Variants in NHSL1 observed in about 807,000 individuals in gnomAD.
The protein encoded by NHSL1 is NHS like 1, also known as NHS-like protein 1.
Under a neutral mutation model 95.0 loss-of-function variants are expected in NHSL1, and 48 were observed. That is an observed-to-expected ratio of 0.51 (90% confidence interval 0.40 to 0.64). The LOEUF is 0.64. Among genes scored for constraint, NHSL1 ranks in the 30% least tolerant of loss-of-function variants. The pLI, the probability that NHSL1 is intolerant of heterozygous loss-of-function variation, is 0.00. For missense variants in NHSL1, 1,971 were observed against 2,077.7 expected, an observed-to-expected ratio of 0.95 and a Z score of 1.00; for synonymous variants, 783 against 833.9, an observed-to-expected ratio of 0.94 and a Z score of 1.05.
chr6:138,526,109 G>C (rs201764582), intron 1 of NHSL1, among the ~76,000 whole-genome samples: 5 of 135,934 alleles, frequency 3.7e-5, no homozygotes, highest in Non-Finnish European at 6.4e-5. Context: ...AAAAAAAAAA[G>C]AAAATATTTG....
chr6:138,497,597 GCA>G (rs1759895702), intron 1 of NHSL1, among the ~76,000 whole-genome samples: 1 of 152,114 alleles, frequency 6.6e-6, no homozygotes, highest in African/African-American at 2.4e-5. Flanking sequence ...ATACTCTATA[GCA>G]CAGTTATTAG....
At chr6:138,429,658 G>A (rs769494527) in intron 7 of NHSL1, 53 bp downstream of exon 7, 190 of 1,448,432 alleles carry the variant, frequency 1.3e-4, no homozygotes, top group Non-Finnish European at 1.6e-4. Flanking sequence ...GGTGCTGCTT[G>A]GAAAGAAGGA....
chr6:138,561,617 A>AG (rs1783413578), intron 1 of NHSL1, among the ~76,000 whole-genome samples: 1 of 152,196 alleles, frequency 6.6e-6, no homozygotes, highest in Non-Finnish European at 1.5e-5. Flanking sequence ...GTTACTCAGA[A>AG]GGTTGCTTTA....
chr6:138,454,072 C>T (rs1003872867), intron 3 of NHSL1, among the ~76,000 whole-genome samples: 1 of 152,050 alleles, frequency 6.6e-6, no homozygotes, highest in Non-Finnish European at 1.5e-5. Context: ...CAACCCATGA[C>T]CTAAAATATT....
At chr6:138,518,230 G>A (rs1327702889) in intron 1 of NHSL1, among the ~76,000 whole-genome samples, 2 of 152,152 alleles carry the variant, frequency 1.3e-5, no homozygotes, top group Non-Finnish European at 2.9e-5. Flanking sequence ...AGAAACTGAA[G>A]AGTGTCAGAG....
At chr6:138,536,610 T>C (rs1018832486) in intron 1 of NHSL1, among the ~76,000 whole-genome samples, 3 of 41,818 alleles carry the variant, frequency 7.2e-5, no homozygotes, top group Admixed American at 2.7e-4. Flanking sequence ...ATCTTTTTTT[T>C]TTTTTTTTTT....
At chr6:138,686,670 C>T (rs889539775) in intron 1 of NHSL1, among the ~76,000 whole-genome samples, 2 of 152,062 alleles carry the variant, frequency 1.3e-5, no homozygotes, top group Non-Finnish European at 2.9e-5. Flanking sequence ...AAAACTAAGG[C>T]CTTGAGGTGT....
chr6:138,529,119 C>G (rs1409232780), intron 1 of NHSL1, among the ~76,000 whole-genome samples: 1 of 152,176 alleles, frequency 6.6e-6, no homozygotes, highest in Non-Finnish European at 1.5e-5. Flanking sequence ...TGATTGATGT[C>G]TCCGCTGGGG....
At chr6:138,601,180 C>T (rs188991364) in intron 1 of NHSL1, among the ~76,000 whole-genome samples, 1 of 152,184 alleles carries the variant, frequency 6.6e-6, no homozygotes, top group African/African-American at 2.4e-5. Context: ...GTAAAACTCA[C>T]CAGGATTGTT....
chr6:138,453,516 G>A (rs531050783), intron 3 of NHSL1, among the ~76,000 whole-genome samples: 51 of 151,754 alleles, frequency 3.4e-4, no homozygotes, highest in African/African-American at 1.2e-3. Flanking sequence ...CAGCGTCCCT[G>A]GCTAATTTAT....
At chr6:138,652,366 G>T (rs937557127) in intron 1 of NHSL1, among the ~76,000 whole-genome samples, 1 of 151,428 alleles carries the variant, frequency 6.6e-6, no homozygotes, top group Non-Finnish European at 1.5e-5. Context: ...ACTTGAACCC[G>T]GAGGCAGAGG....
intron 1 of NHSL1, among the ~76,000 whole-genome samples, chr6:138,683,125 A>G (rs73568800): frequency 1.5e-3 from 232 of 152,214 alleles, no homozygotes; most frequent in African/African-American, 5.3e-3. Context: ...CATGTCCATA[A>G]AAAGGCCCCG....
intron 1 of NHSL1, among the ~76,000 whole-genome samples, chr6:138,565,599 G>A (rs1342218306): frequency 3.3e-5 from 5 of 151,982 alleles, no homozygotes; most frequent in African/African-American, 1.2e-4. Context: ...AGATTAAACT[G>A]AAGTATTTGA....
At chr6:138,453,292 T>C (rs982168166) in intron 3 of NHSL1, among the ~76,000 whole-genome samples, 1 of 151,886 alleles carries the variant, frequency 6.6e-6, no homozygotes, top group Non-Finnish European at 1.5e-5. Flanking sequence ...CATTCTTTCA[T>C]ATGTATTATA....
chr6:138,426,167 A>G (rs534913764), intron 7 of NHSL1, among the ~76,000 whole-genome samples: 1 of 152,242 alleles, frequency 6.6e-6, no homozygotes, highest in African/African-American at 2.4e-5. Flanking sequence ...CAACACAGTT[A>G]ATAGAATAAA....
intron 1 of NHSL1, among the ~76,000 whole-genome samples, chr6:138,638,626 T>A (rs1221843406): frequency 6.6e-6 from 1 of 152,190 alleles, no homozygotes; most frequent in Non-Finnish European, 1.5e-5. Flanking sequence ...AGAAACTTTC[T>A]ATTTAAATCT....
chr6:138,661,857 G>T (rs2114735017), intron 1 of NHSL1, among the ~76,000 whole-genome samples: 1 of 152,140 alleles, frequency 6.6e-6, no homozygotes, highest in South Asian at 2.1e-4. Context: ...GCTTGATTGA[G>T]GCCAAGAATT....
chr6:138,568,767 A>G (rs766883962), intron 1 of NHSL1, among the ~76,000 whole-genome samples: 3 of 152,246 alleles, frequency 2.0e-5, no homozygotes, highest in Non-Finnish European at 2.9e-5. Flanking sequence ...GCATACTAGT[A>G]GCTTCTAATC....
At chr6:138,462,232 G>A (rs1359776981) in intron 3 of NHSL1, among the ~76,000 whole-genome samples, 2 of 152,226 alleles carry the variant, frequency 1.3e-5, no homozygotes, top group Non-Finnish European at 2.9e-5. Flanking sequence ...GGAAGTTCAA[G>A]GGCATGGCCC....
Sources: gnomAD v4.1 joint callset for allele counts (sites outside exome capture counted in the v4.1 genomes callset) on GRCh38, gnomAD v4.1.1 for gene constraint, MANE v1.5 for transcripts, NCBI Gene and HGNC (gene_info 2026-07-23, HGNC 2026-07-21) for gene names.